SIK3: variants seen among roughly 807,000 people sequenced by gnomAD.
SIK3 encodes SIK family kinase 3, also known as serine/threonine-protein kinase SIK3.
In SIK3, 28 loss-of-function variants were observed where a neutral mutation model predicts 144.2. The ratio of observed to expected loss-of-function variants is 0.19; its 90% confidence interval spans 0.14 to 0.27. SIK3 has a LOEUF of 0.27. Ranked by LOEUF, SIK3 falls within the 10% of genes least tolerant of loss-of-function variation. SIK3 has a pLI of 1.00. For missense variants in SIK3, 1,319 were observed against 1,776.0 expected, an observed-to-expected ratio of 0.74 and a Z score of 4.62; for synonymous variants, 686 against 676.3, an observed-to-expected ratio of 1.01 and a Z score of -0.22.
Position 116,858,272 on chromosome 11 carries a change from C to T in SIK3, c.3193G>A (p.Glu1065Lys). The stretch of plus-strand genomic sequence containing the variant: ...CCTTGGTTCATGTGCCTGAACAGTT[C>T]CTGGTATTCTTGCTGTTGCTGCTGT... ...QQQQQQQEYQ[E>K]LFRHMNQGDA... Residue 1065 changes from glutamate to lysine, a missense_variant, in exon 21 of 25, where the codon GAA becomes AAA. Glu to Lys is a moderately conservative substitution (Grantham distance 56, BLOSUM62 1). This residue lies in a region of SIK3 where 646 missense variants were observed against 763.7 expected (regional missense o/e 0.85). Coordinates refer to ENST00000445177, the MANE Select transcript of SIK3 (RefSeq NM_001366686.3). The surrounding 1 kb of genome is among the most constrained non-coding windows in gnomAD (Gnocchi z 5.4). The T allele has an allele frequency of 6.2e-7, 1 of 1,613,632 alleles. No homozygotes were observed. The highest frequency in any genetic ancestry group is 1.1e-5 in the South Asian group (1 of 91,028).
chr11:117,051,479 T>G (rs1953237711), intron 1 of SIK3, among the ~76,000 whole-genome samples: 1 of 152,074 alleles, frequency 6.6e-6, no homozygotes, highest in Middle Eastern at 3.2e-3. Context: ...CTCTTCTATA[T>G]CTATAGATAT....
intron 1 of SIK3, among the ~76,000 whole-genome samples, chr11:117,090,605 T>C (rs1955201715): frequency 6.6e-6 from 1 of 152,206 alleles, no homozygotes; most frequent in Non-Finnish European, 1.5e-5. Context: ...TAATTACCAA[T>C]ATTCCCTAGG....
intron 1 of SIK3, among the ~76,000 whole-genome samples, chr11:116,984,530 A>G (rs1464846503): frequency 6.6e-6 from 1 of 152,064 alleles, no homozygotes; most frequent in African/African-American, 2.4e-5. Flanking sequence ...CTATGAATAA[A>G]CTCTGGAGCC....
intron 1 of SIK3, among the ~76,000 whole-genome samples, chr11:116,995,266 C>CAAA (rs1215261265): frequency 1.0e-5 from 1 of 96,648 alleles, no homozygotes. Flanking sequence ...GACTCCGTCT[C>CAAA]AAAAAAAAAA....
In SIK3 at chr11:116,915,124, A is replaced by ATGTGTGTGTGTGTGTGTGTGTGTG. The variant is rs35059138; in HGVS notation, c.616+12071_616+12094dup. On this transcript the variant is annotated intron_variant, in intron 4 of 24. Coordinates refer to ENST00000445177, the MANE Select transcript of SIK3 (RefSeq NM_001366686.3). Reference sequence around the variant, plus strand: ...TATCATGTTTAGTAGGAAGCCATATATGTGTGTGTGTGTGTGTGTGTGTGT... The same window carrying ATGTGTGTGTGTGTGTGTGTGTGTG: ...TATCATGTTTAGTAGGAAGCCATATATGTGTGTGTGTGTGTGTGTGTGTGTGTGTGTGTGTGTGTGTGTGTGTGT... Among the ~76,000 whole-genome samples, 204 of 129,948 alleles carry ATGTGTGTGTGTGTGTGTGTGTGTG rather than the reference A, an allele frequency of 1.6e-3. 3 individuals carry two copies. The highest frequency in any genetic ancestry group is 4.7e-3 in the African/African-American group (168 of 35,534). The allele number at this position is 129,948 out of a possible 152,430, so 85.3% of individuals were successfully genotyped here.
At chr11:116,876,137 GAGGAAGAAAAAC>G in intron 8 of SIK3, 104 bp downstream of exon 8, 1 of 1,497,138 alleles carries the variant, frequency 6.7e-7, no homozygotes, top group Non-Finnish European at 9.1e-7. Context: ...GGAAGGGGCA[GAGGAAGAAAAAC>G]AGGAGGAAAA....
chr11:116,915,169 T>TGTGTA (rs1555093415), intron 4 of SIK3, among the ~76,000 whole-genome samples: 3 of 151,206 alleles, frequency 2.0e-5, no homozygotes, highest in African/African-American at 2.4e-5. Flanking sequence ...TGTATGTGTA[T>TGTGTA]TTTTTCTTTT....
chr11:117,017,529 G>T (rs201049475), intron 1 of SIK3, among the ~76,000 whole-genome samples: 2 of 51,614 alleles, frequency 3.9e-5, no homozygotes, highest in Non-Finnish European at 2.3e-4. Context: ...TAAAACAAAT[G>T]TTTTTTTAAG....
At chr11:117,090,433 C>T (rs912607343) in intron 1 of SIK3, among the ~76,000 whole-genome samples, 5 of 151,506 alleles carry the variant, frequency 3.3e-5, no homozygotes, top group Middle Eastern at 3.2e-3. Flanking sequence ...TTCTCTTGAC[C>T]CTCACCTGTG....
Position 116,844,639 on chromosome 11 carries a change from ATT to A in SIK3, c.*1002_*1003del. The stretch of plus-strand genomic sequence containing the variant: ...ATATAATATATATATAATATATTAT[ATT>A]ATATATTATATATATAATATATATA... On this transcript the variant is annotated 3_prime_UTR_variant, in exon 25 of 25. Coordinates refer to ENST00000445177, the MANE Select transcript of SIK3 (RefSeq NM_001366686.3). 1 of 85,836 alleles carries A rather than the reference ATT, an allele frequency of 1.2e-5. No individual in the cohort carries two copies. Among genetic ancestry groups the A allele is most frequent in the South Asian group, 3.3e-4 (1 of 3,074 alleles). The allele number at this position is 85,836 out of a possible 1,614,324, so 5.3% of individuals were successfully genotyped here.
intron 3 of SIK3, among the ~76,000 whole-genome samples, chr11:116,941,002 G>GT (rs1284432954): frequency 2.0e-5 from 3 of 150,696 alleles, no homozygotes; most frequent in South Asian, 2.1e-4. Flanking sequence ...TTGTTTGTTT[G>GT]TTTGTTTTGT....
chr11:117,003,927 ACT>A (rs1186453864), intron 1 of SIK3, among the ~76,000 whole-genome samples: 1 of 152,018 alleles, frequency 6.6e-6, no homozygotes, highest in African/African-American at 2.4e-5. Context: ...CAAACAAAAA[ACT>A]CTGATTATCC....
intron 1 of SIK3, among the ~76,000 whole-genome samples, chr11:117,023,606 AAAC>A (rs199782671): frequency 0.01 from 293 of 28,378 alleles, no homozygotes; most frequent in East Asian, 0.017. Context: ...ACAAACAAAC[AAAC>A]AAAAAAAAAA....
chr11:117,029,276 G>A (rs968171967), intron 1 of SIK3, among the ~76,000 whole-genome samples: 3 of 149,662 alleles, frequency 2.0e-5, no homozygotes, highest in African/African-American at 7.6e-5. Context: ...ACTAGCCTGG[G>A]CAACATGGTG....
chr11:117,066,048 T>C (rs1037352308), intron 1 of SIK3, among the ~76,000 whole-genome samples: 11 of 151,798 alleles, frequency 7.2e-5, no homozygotes, highest in Non-Finnish European at 1.5e-4. Context: ...TTCACTAGAA[T>C]ACTTTATTTT....
chr11:116,891,598 C>A (rs892943598), intron 6 of SIK3, among the ~76,000 whole-genome samples: 1 of 151,918 alleles, frequency 6.6e-6, no homozygotes, highest in Non-Finnish European at 1.5e-5. Flanking sequence ...ACCTTAGAGG[C>A]AATGGTAAAC....
intron 3 of SIK3, among the ~76,000 whole-genome samples, chr11:116,936,132 T>C (rs1396288348): frequency 1.3e-5 from 2 of 152,302 alleles, no homozygotes; most frequent in East Asian, 3.9e-4. Flanking sequence ...TAAAAAAATT[T>C]GAAAGATATC....
intron 1 of SIK3, among the ~76,000 whole-genome samples, chr11:117,023,600 ACAAACAAAC>A (rs1565567559): frequency 0.013 from 670 of 51,908 alleles, 9 homozygotes; most frequent in African/African-American, 0.05. Context: ...AAACAAACAA[ACAAACAAAC>A]AAAAAAAAAA....
chr11:116,921,327 T>C (rs1946960256), intron 4 of SIK3, among the ~76,000 whole-genome samples: 1 of 152,222 alleles, frequency 6.6e-6, no homozygotes, highest in African/African-American at 2.4e-5. Context: ...AAGCATAATT[T>C]TGGTGTTACC....
Sources: allele counts gnomAD v4.1 joint callset (sites outside exome capture counted in the v4.1 genomes callset), GRCh38; gene constraint gnomAD v4.1.1; regional missense constraint gnomAD v4.1.1; non-coding constraint Gnocchi (gnomAD v3.1); transcripts MANE v1.5; gene names NCBI Gene and HGNC (gene_info 2026-07-23, HGNC 2026-07-21).